NAV2: variants seen among roughly 807,000 people sequenced by gnomAD.
The protein encoded by NAV2 is helicase, APC down-regulated 1.
NAV2 carries 54 observed loss-of-function variants against 223.2 expected under a neutral mutation model. The observed-to-expected ratio is 0.24, with a 90% CI of 0.19 to 0.30. NAV2 has a LOEUF of 0.30. NAV2 is among the 10% of genes least tolerant of loss of function. NAV2 has a pLI of 1.00. For missense variants in NAV2, 2,806 were observed against 3,147.5 expected (o/e 0.89, Z 2.60); for synonymous variants, 1,279 against 1,239.3 (o/e 1.03, Z -0.67).
In NAV2 at chr11:19,389,526, C is replaced by G. The variant is rs149727469; in HGVS notation, c.75+38499C>G. On this transcript the variant is annotated intron_variant, in intron 1 of 37. Coordinates refer to the NAV2 transcript ENST00000360655. ...CCAGATTTGTGATGCTGAACAGATC[C>G]TTTTCCTTCTTTGAGTCTCAGGATC... 1.4e-3 allele frequency among the ~76,000 whole-genome samples: 210 copies of G among 151,844 alleles called. 2 individuals carry two copies. The highest frequency in any genetic ancestry group is 5.0e-3 in the African/African-American group (207 of 41,140).
rs546693561 is a variant in NAV2, at chr11:19,369,221, G to A, written c.75+18194G>A. Among the ~76,000 whole-genome samples the A allele has an allele frequency of 2.5e-3, 374 of 152,244 alleles. 1 individual carries two copies. The highest frequency in any genetic ancestry group is 4.1e-3 in the Non-Finnish European group (280 of 68,012). ...TTTTGAGCAAACTTAACAGATGCCC[G>A]GATGTCATGTCTATATTCTTTAGGG... On this transcript the variant is annotated intron_variant, in intron 1 of 37. Coordinates refer to the NAV2 transcript ENST00000360655.
intron 10 of NAV2, among the ~76,000 whole-genome samples, chr11:19,958,810 T>TTG: frequency 2.6e-5 from 4 of 152,142 alleles, no homozygotes; most frequent in African/African-American, 9.7e-5. Flanking sequence ...ATACAGGCAT[T>TTG]GTCATGTTAT....
intron 1 of NAV2, among the ~76,000 whole-genome samples, chr11:19,584,126 A>G (rs532319524): frequency 2.6e-5 from 4 of 152,086 alleles, no homozygotes; most frequent in Non-Finnish European, 4.4e-5. Flanking sequence ...TGTATTGAGG[A>G]ATTTATCCAT....
chr11:19,408,604 G>A (rs1002270928), intron 1 of NAV2, among the ~76,000 whole-genome samples: 1 of 152,190 alleles, frequency 6.6e-6, no homozygotes, highest in African/African-American at 2.4e-5. Context: ...ACGCCTGCCA[G>A]GTTCTGTGCT....
chr11:19,788,433 G>A (rs2057296548), intron 1 of NAV2, among the ~76,000 whole-genome samples: 3 of 152,118 alleles, frequency 2.0e-5, no homozygotes, highest in Admixed American at 2.0e-4. Flanking sequence ...AATAGCAAAT[G>A]CTTCCGTTTG....
At chr11:19,810,834 A>G (rs981220610) in intron 1 of NAV2, among the ~76,000 whole-genome samples, 1 of 152,318 alleles carries the variant, frequency 6.6e-6, no homozygotes, top group Admixed American at 6.5e-5. Context: ...AACTCTCCCA[A>G]TATAGGCTGT....
Position 20,077,429 on chromosome 11 carries a change from A to G in NAV2, c.4984-123A>G. ...AGAGTGGTGGGGAGTGGGATTCAAGAGGAGGCTGAAAAAGTAGCCTAGATC... is the reference window on the plus strand; with the variant it reads ...AGAGTGGTGGGGAGTGGGATTCAAGGGGAGGCTGAAAAAGTAGCCTAGATC... On this transcript the variant is annotated intron_variant, in intron 22 of 37. Transcript: ENST00000349880. The G allele has an allele frequency of 9.0e-6, 6 of 668,206 alleles. No homozygotes were observed. The South Asian group carries it at 1.1e-4, about 13-fold the overall frequency. 41.4% of individuals were successfully genotyped at this position (668,206 alleles called of 1,614,324 possible).
intron 6 of NAV2, among the ~76,000 whole-genome samples, chr11:19,917,882 G>T (rs1416047699): frequency 1.3e-5 from 2 of 152,240 alleles, no homozygotes; most frequent in African/African-American, 4.8e-5. Flanking sequence ...CTCCAAAAGT[G>T]CTGGGATTAC....
intron 1 of NAV2, among the ~76,000 whole-genome samples, chr11:19,741,218 G>A (rs764089545): frequency 1.3e-5 from 2 of 152,132 alleles, no homozygotes; most frequent in Non-Finnish European, 2.9e-5. Flanking sequence ...TTACTACAGG[G>A]AAGCAATTTC....
intron 4 of NAV2, among the ~76,000 whole-genome samples, chr11:19,871,063 A>G (rs534414611): frequency 6.6e-6 from 1 of 152,324 alleles, no homozygotes; most frequent in African/African-American, 2.4e-5. Context: ...AGAGCATACC[A>G]TAGCCAGTGT....
intron 20 of NAV2, among the ~76,000 whole-genome samples, chr11:20,064,951 A>G (rs2058946912): frequency 6.6e-6 from 1 of 152,138 alleles, no homozygotes; most frequent in Admixed American, 6.5e-5. Context: ...AATCTCTGAC[A>G]TTCCATGAGT....
chr11:19,728,268 T>G (rs564659368), intron 1 of NAV2, among the ~76,000 whole-genome samples: 2 of 152,320 alleles, frequency 1.3e-5, no homozygotes, highest in South Asian at 4.1e-4. Flanking sequence ...TTCTAGACCC[T>G]CATTTAGCAA....
At chr11:19,568,245 G>A (rs1270595004) in intron 1 of NAV2, among the ~76,000 whole-genome samples, 1 of 152,192 alleles carries the variant, frequency 6.6e-6, no homozygotes, top group African/African-American at 2.4e-5. Flanking sequence ...AGGCCACCAG[G>A]GCTGTCTTTG....
chr11:20,003,045 C>T (rs2052713632), intron 11 of NAV2, among the ~76,000 whole-genome samples: 1 of 152,190 alleles, frequency 6.6e-6, no homozygotes, highest in African/African-American at 2.4e-5. Flanking sequence ...GGAAGCGAGG[C>T]TACAGAAATG....
chr11:19,947,402 G>A (rs535992710), intron 9 of NAV2, among the ~76,000 whole-genome samples: 8 of 152,354 alleles, frequency 5.3e-5, no homozygotes, highest in African/African-American at 1.9e-4. Context: ...GGGTTTGGGG[G>A]TGGTACCCTC....
chr11:20,050,945 T>A lies in NAV2; in HGVS notation c.4437-344T>A, dbSNP rs192654388. On this transcript the variant is annotated intron_variant, in intron 16 of 37. Transcript: ENST00000349880. ...TGAGAAGCCGTGTTGGTGCAGAGAG[T>A]GCCCCTGGGCAGTAGAAGGCACAGG... Among the ~76,000 whole-genome samples, 6 of 152,150 alleles carry A rather than the reference T, an allele frequency of 3.9e-5. No individual in the cohort carries two copies. In the East Asian group the frequency reaches 1.2e-3, roughly 29 times the overall value.
At chr11:20,049,247 TA>T in intron 15 of NAV2, 52 bp downstream of exon 15, 1 of 1,315,522 alleles carries the variant, frequency 7.6e-7, no homozygotes. Flanking sequence ...CTTCCAAAAA[TA>T]AAAAGATTAG....
chr11:20,050,141 C>A (rs1274136876), intron 16 of NAV2, among the ~76,000 whole-genome samples: 2 of 152,196 alleles, frequency 1.3e-5, no homozygotes, highest in South Asian at 4.1e-4. Flanking sequence ...CGACCTTAAA[C>A]CCTGCCACTT....
chr11:19,622,719 A>G (rs1206580729), intron 1 of NAV2, among the ~76,000 whole-genome samples: 2 of 152,094 alleles, frequency 1.3e-5, no homozygotes, highest in Admixed American at 6.5e-5. Flanking sequence ...TCTTTATGCA[A>G]TTTTCCAGTC....
Sources: allele counts gnomAD v4.1 joint callset (sites outside exome capture counted in the v4.1 genomes callset), GRCh38; gene constraint gnomAD v4.1.1; transcripts MANE v1.5; gene names NCBI Gene and HGNC (gene_info 2026-07-23, HGNC 2026-07-21).